The following KALRN variants were observed in gnomAD, a reference collection of about 807,000 sequenced individuals.
KALRN encodes kalirin.
In KALRN, 70 loss-of-function variants were observed where a neutral mutation model predicts 353.7. The ratio of observed to expected loss-of-function variants is 0.20; its 90% CI spans 0.16 to 0.24. The LOEUF (loss-of-function observed/expected upper bound fraction) is 0.24, where lower values mean the gene tolerates loss of function less well. Ranked by LOEUF, KALRN falls within the 10% of genes least tolerant of loss-of-function variation. KALRN has a pLI of 1.00. For missense variants in KALRN, 2,791 were observed against 3,756.7 expected (o/e 0.74, Z 6.72); for synonymous variants, 1,391 against 1,434.8 (o/e 0.97, Z 0.69).
intron 45 of KALRN, among the ~76,000 whole-genome samples, chr3:124,664,371 G>GTGTGTGCGCGCGCGCGTGCA (rs780486751): frequency 3.9e-5 from 3 of 77,042 alleles, no homozygotes; most frequent in African/African-American, 1.1e-4. Context: ...GTGTGTGTGT[G>GTGTGTGCGCGCGCGCGTGCA]CGCGCGCGCG....
intron 1 of KALRN, among the ~76,000 whole-genome samples, chr3:124,157,221 A>G (rs2069130263): frequency 6.6e-6 from 1 of 152,346 alleles, no homozygotes; most frequent in East Asian, 1.9e-4. Context: ...ATGTCATTCT[A>G]CAGACAAGGA....
chr3:124,131,932 T>G (rs780600431), intron 1 of KALRN, among the ~76,000 whole-genome samples: 24 of 152,182 alleles, frequency 1.6e-4, no homozygotes, highest in Non-Finnish European at 2.8e-4. Context: ...ATGTCATAAG[T>G]CCCTCTGAGC....
chr3:124,461,777 T>C, intron 23 of KALRN, 113 bp from the exon 24 acceptor site: 2 of 738,406 alleles, frequency 2.7e-6, no homozygotes, highest in East Asian at 5.1e-5. Flanking sequence ...GTTGATGAAG[T>C]AGAAAAATAA....
At chr3:124,661,007 A>G in intron 44 of KALRN, 34 bp downstream of exon 44, 1 of 1,489,838 alleles carries the variant, frequency 6.7e-7, no homozygotes, top group Non-Finnish European at 9.4e-7. Context: ...TGCTGTTCTT[A>G]GGGACCATAT....
intron 33 of KALRN, among the ~76,000 whole-genome samples, chr3:124,497,690 C>G (rs2064018222): frequency 6.6e-6 from 1 of 152,170 alleles, no homozygotes; most frequent in African/African-American, 2.4e-5. Flanking sequence ...CTGTAATTTC[C>G]TGTCTCCTCT....
intron 1 of KALRN, among the ~76,000 whole-genome samples, chr3:124,172,251 G>T (rs1408511896): frequency 6.6e-6 from 1 of 152,040 alleles, no homozygotes; most frequent in East Asian, 1.9e-4. Flanking sequence ...ATTCCCCTTC[G>T]CCTTACCTTG....
intron 25 of KALRN, among the ~76,000 whole-genome samples, chr3:124,464,755 G>A (rs2060163271): frequency 6.6e-6 from 1 of 150,724 alleles, no homozygotes; most frequent in African/African-American, 2.4e-5. Context: ...TAAGCCCACA[G>A]CTATTTAGAA....
At chr3:124,235,733 G>A (rs1009665948) in intron 3 of KALRN, among the ~76,000 whole-genome samples, 1 of 152,172 alleles carries the variant, frequency 6.6e-6, no homozygotes, top group African/African-American at 2.4e-5. Context: ...GAGCAGCGAC[G>A]GCACTGCTCT....
rs569404917 is a variant in KALRN at position 124,209,489 on chromosome 3, T to C, written c.74-18501T>C. Among the ~76,000 whole-genome samples the C allele has an allele frequency of 3.2e-4, 24 of 74,468 alleles. No homozygotes were observed. The East Asian group carries it at 7.2e-3, about 22-fold the overall frequency. The allele number at this position is 74,468 out of a possible 152,430, so 48.9% of individuals were successfully genotyped here. A position where few individuals can be genotyped will look rare whatever the true frequency, so the allele number is the denominator to read the frequency against. On this transcript the variant is annotated intron_variant, in intron 1 of 59. Coordinates refer to ENST00000682506, the MANE Select transcript of KALRN (RefSeq NM_001388419.1). Reference sequence around the variant, plus strand: ...GGGCAACAGAGCAAGACTCACTCTGTCTCAAAAAAAAAAAAAAAAAAAAAA... The same window carrying C: ...GGGCAACAGAGCAAGACTCACTCTGCCTCAAAAAAAAAAAAAAAAAAAAAA...
chr3:124,051,421 C>T (rs933218253), intron 1 of KALRN, among the ~76,000 whole-genome samples: 18 of 152,170 alleles, frequency 1.2e-4, no homozygotes, highest in Admixed American at 1.0e-3. Context: ...TCAACAATGA[C>T]GAGTTCTAGT....
intron 1 of KALRN, among the ~76,000 whole-genome samples, chr3:124,042,475 A>G (rs554041537): frequency 1.7e-4 from 26 of 152,280 alleles, no homozygotes. Context: ...GATCACTGTG[A>G]TAGGCTAGGA....
At chr3:124,413,727 C>A in intron 14 of KALRN, 62 bp downstream of exon 14, 1 of 1,297,768 alleles carries the variant, frequency 7.7e-7, no homozygotes, top group South Asian at 1.3e-5. Flanking sequence ...ACCATCTAGC[C>A]TGCAAGGAGC....
rs766215784 is a variant in KALRN at position 124,491,409 on chromosome 3, T to C, written c.4674T>C (p.Asn1558=). ...LWSGRTPSSD[N]KTVLKASNIE... ...CTGGGCGCACCCCATCCTCAGACAA[T>C]AAAACAGTGCTGAAAGTAAGTACTG... Residue 1558 remains asparagine (N), a synonymous_variant, in exon 31 of 60, where the codon AAT becomes AAC. Transcript: ENST00000682506. 3 of 1,604,992 alleles carry C rather than the reference T, an allele frequency of 1.9e-6. No individual in the cohort carries two copies. Among genetic ancestry groups the C allele is most frequent in the Non-Finnish European group, 2.6e-6 (3 of 1,175,350 alleles).
chr3:124,516,042 A>T (rs2066508295), intron 33 of KALRN, among the ~76,000 whole-genome samples: 1 of 152,206 alleles, frequency 6.6e-6, no homozygotes, highest in Non-Finnish European at 1.5e-5. Flanking sequence ...ATATACAGAG[A>T]TCATCATAGC....
intron 1 of KALRN, among the ~76,000 whole-genome samples, chr3:124,204,411 T>C (rs1368835346): frequency 1.3e-5 from 2 of 152,214 alleles, no homozygotes; most frequent in African/African-American, 4.8e-5. Context: ...AATTTCTTTA[T>C]TTTTCACATG....
At chr3:124,309,084 T>C (rs560179472) in intron 6 of KALRN, among the ~76,000 whole-genome samples, 1 of 152,210 alleles carries the variant, frequency 6.6e-6, no homozygotes, top group Admixed American at 6.5e-5. Context: ...TAACAACTGA[T>C]ACTGATTCAA....
At chr3:124,556,815 C>T (rs2071312021) in intron 33 of KALRN, among the ~76,000 whole-genome samples, 1 of 152,230 alleles carries the variant, frequency 6.6e-6, no homozygotes, top group Non-Finnish European at 1.5e-5. Flanking sequence ...ACCCAGAGTG[C>T]ACCACCCAAC....
At chr3:124,337,064 C>T (rs1049759116) in intron 9 of KALRN, among the ~76,000 whole-genome samples, 1 of 152,090 alleles carries the variant, frequency 6.6e-6, no homozygotes, top group Non-Finnish European at 1.5e-5. Context: ...TGGGCCGAGA[C>T]GATGGGGTTT....
intron 1 of KALRN, among the ~76,000 whole-genome samples, chr3:124,086,309 TTGTG>T (rs59443298): frequency 0.11 from 15,012 of 141,740 alleles, 934 homozygotes; most frequent in East Asian, 0.31. Context: ...GGTTGTTTTG[TTGTG>T]TGTGTGTGTG....
Sources: gnomAD v4.1 joint callset for allele counts (sites outside exome capture counted in the v4.1 genomes callset) on GRCh38, gnomAD v4.1.1 for gene constraint, MANE v1.5 for transcripts, NCBI Gene and HGNC (gene_info 2026-07-23, HGNC 2026-07-21) for gene names.